HECTD4: variants seen among roughly 807,000 people sequenced by gnomAD.
HECTD4 encodes the protein HECT domain E3 ubiquitin protein ligase 4.
Under a neutral mutation model 471.5 loss-of-function variants are expected in HECTD4, and 114 were observed. That is an observed-to-expected ratio of 0.24 (90% CI 0.21 to 0.28). The LOEUF is 0.28. Ranked by LOEUF, HECTD4 falls within the 10% of genes least tolerant of loss-of-function variation. HECTD4 has a pLI of 1.00. For missense variants in HECTD4, 3,866 were observed against 5,651.5 expected (o/e 0.68, Z 10.13); for synonymous variants, 2,012 against 2,256.0 (o/e 0.89, Z 3.07).
At position 112,260,743 on chromosome 12, in the gene HECTD4, A is replaced by ATT. The variant is rs200690215; in HGVS notation, c.2873+560_2873+561dup. Reference sequence around the variant, plus strand: ...AGGTGCCTGCCACCATGCCTGGCTAATTTTTTTTTTTTTTTTTGTATTTTT... The same window carrying ATT: ...AGGTGCCTGCCACCATGCCTGGCTAATTTTTTTTTTTTTTTTTTTGTATTTTT... On this transcript the variant is annotated intron_variant, in intron 18 of 75. Transcript: ENST00000682272. Among the ~76,000 whole-genome samples, 400 of 138,720 alleles carry ATT rather than the reference A, an allele frequency of 2.9e-3. 3 individuals carry two copies. Among genetic ancestry groups the ATT allele is most frequent in the African/African-American group, 9.7e-3 (368 of 37,772 alleles). 91.0% of individuals were successfully genotyped at this position (138,720 alleles called of 152,430 possible).
intron 1 of HECTD4, among the ~76,000 whole-genome samples, chr12:112,328,803 C>T (rs555971120): frequency 4.6e-5 from 7 of 152,308 alleles, no homozygotes; most frequent in Non-Finnish European, 1.0e-4. Flanking sequence ...TAACTGAGAA[C>T]GAGGATATTA....
chr12:112,315,099 G>A (rs1345186271), intron 2 of HECTD4, among the ~76,000 whole-genome samples: 2 of 152,150 alleles, frequency 1.3e-5, no homozygotes, highest in Admixed American at 6.5e-5. Flanking sequence ...AGGGCTCACC[G>A]CTACCTGAAT....
intron 1 of HECTD4, among the ~76,000 whole-genome samples, chr12:112,330,176 C>T (rs2035821134): frequency 6.6e-6 from 1 of 151,658 alleles, no homozygotes; most frequent in Admixed American, 6.6e-5. Context: ...ACTTGGGACG[C>T]TGAGGCAGGA....
intron 2 of HECTD4, among the ~76,000 whole-genome samples, chr12:112,318,362 G>T (rs922274531): frequency 9.2e-5 from 14 of 151,956 alleles, no homozygotes; most frequent in Admixed American, 2.6e-4. Flanking sequence ...ACTTGCACAT[G>T]AAGAACAGCA....
intron 69 of HECTD4, 71 bp downstream of exon 69, chr12:112,170,262 T>C (rs987862884): frequency 6.4e-7 from 1 of 1,562,350 alleles, no homozygotes; most frequent in Non-Finnish European, 8.7e-7. Flanking sequence ...CCTTCTTTTA[T>C]GTTCCAGAAA....
At chr12:112,279,472 G>A (rs2034590020) in intron 8 of HECTD4, 86 bp from the exon 9 acceptor site, 7 of 1,159,204 alleles carry the variant, frequency 6.0e-6, no homozygotes, top group South Asian at 1.6e-5. Flanking sequence ...TATAATGAGG[G>A]AGACCCAAAC....
intron 8 of HECTD4, among the ~76,000 whole-genome samples, chr12:112,280,717 A>G (rs2034619818): frequency 6.6e-6 from 1 of 152,102 alleles, no homozygotes; most frequent in Admixed American, 6.6e-5. Context: ...CATTTTCACC[A>G]AGATGTTTTC....
In HECTD4 at chr12:112,208,650, C is replaced by G. The variant is rs1375669766; in HGVS notation, c.7868-20G>C. On this transcript the variant is annotated intron_variant, in intron 50 of 75. Coordinates refer to ENST00000682272, the MANE Select transcript of HECTD4 (RefSeq NM_001388303.1). ...CATATTCTGTAACAGAGCACAAGGA[C>G]AGCGAATTCTAAACAAGAGCAGGCT... The G allele has an allele frequency of 1.3e-6, 2 of 1,527,598 alleles. No homozygotes were observed. Among genetic ancestry groups the G allele is most frequent in the South Asian group, 2.7e-5 (2 of 75,158 alleles). The allele number at this position is 1,527,598 out of a possible 1,614,324, so 94.6% of individuals were successfully genotyped here.
At chr12:112,164,681 C>T (rs995753608) in intron 72 of HECTD4, among the ~76,000 whole-genome samples, 5 of 151,198 alleles carry the variant, frequency 3.3e-5, no homozygotes, top group South Asian at 2.1e-4. Flanking sequence ...AGTGCAATGG[C>T]GCAATCTTGG....
At chr12:112,379,051 A>C (rs541122982) in intron 1 of HECTD4, among the ~76,000 whole-genome samples, 4 of 152,210 alleles carry the variant, frequency 2.6e-5, no homozygotes, top group Admixed American at 6.5e-5. Flanking sequence ...CAAAAAAAAA[A>C]ACCAAAAATT....
intron 1 of HECTD4, among the ~76,000 whole-genome samples, chr12:112,332,306 G>A (rs2035858182): frequency 1.3e-5 from 2 of 152,088 alleles, no homozygotes; most frequent in South Asian, 2.1e-4. Flanking sequence ...GCTGAGGCAG[G>A]TGGATCACCT....
chr12:112,344,480 TAGCTTAAC>T (rs2036110239), intron 1 of HECTD4, among the ~76,000 whole-genome samples: 1 of 152,094 alleles, frequency 6.6e-6, no homozygotes, highest in Admixed American at 6.5e-5. Context: ...ACTCCAAAAC[TAGCTTAAC>T]TCAGAGCTCA....
Position 112,176,582 on chromosome 12 carries a change from G to T in HECTD4, c.11470+14C>A. 6.3e-7 allele frequency: 1 copy of T among 1,582,716 alleles called. No homozygotes were observed. Among genetic ancestry groups the T allele is most frequent in the South Asian group, 1.1e-5 (1 of 90,474 alleles). ...TAGGTCCCAGCCCACTCCAGGCCCC[G>T]TCTGCTCATTCACCTTCTTGTTTTT... is the stretch of plus-strand genomic sequence containing the variant. On this transcript the variant is annotated intron_variant, in intron 65 of 75. Coordinates refer to ENST00000682272, the MANE Select transcript of HECTD4 (RefSeq NM_001388303.1).
At chr12:112,314,638 G>T (rs1268078027) in intron 2 of HECTD4, 92 bp from the exon 3 acceptor site, 4 of 731,394 alleles carry the variant, frequency 5.5e-6, no homozygotes, top group Non-Finnish European at 9.4e-6. Context: ...ACATGGAAAA[G>T]TTCCAAAATG....
intron 60 of HECTD4, among the ~76,000 whole-genome samples, chr12:112,187,140 C>T (rs550000405): frequency 6.7e-4 from 102 of 152,138 alleles, no homozygotes; most frequent in African/African-American, 2.1e-3. Context: ...CCACCACACC[C>T]GGCTAATTTT....
chr12:112,307,347 T>C (rs760020110), intron 6 of HECTD4, among the ~76,000 whole-genome samples: 10 of 152,216 alleles, frequency 6.6e-5, no homozygotes, highest in Non-Finnish European at 1.5e-4. Context: ...AGCTACTAAT[T>C]GGCCTGTGCT....
Position 112,170,314 on chromosome 12 carries a change from T to C in HECTD4, c.12052+19A>G, listed in dbSNP as rs1273248424. ...GGCACTGCCATTTTGCATTTTTTGC[T>C]CTCCGCAGCCAACCCCACCTCCCAC... On this transcript the variant is annotated intron_variant, in intron 69 of 75. Coordinates refer to ENST00000682272, the MANE Select transcript of HECTD4 (RefSeq NM_001388303.1). 1 of 1,613,182 alleles carries C rather than the reference T, an allele frequency of 6.2e-7. No individual in the cohort carries two copies. Among genetic ancestry groups the C allele is most frequent in the South Asian group, 1.1e-5 (1 of 90,938 alleles).
At chr12:112,183,397 T>G (rs2031746106) in intron 61 of HECTD4, 131 bp from the exon 62 acceptor site, 1 of 721,736 alleles carries the variant, frequency 1.4e-6, no homozygotes, top group South Asian at 1.8e-5. Flanking sequence ...TGCCCTACTC[T>G]GGTGAGCTGG....
intron 55 of HECTD4, among the ~76,000 whole-genome samples, chr12:112,199,862 C>A (rs1448317629): frequency 1.3e-5 from 2 of 152,232 alleles, no homozygotes; most frequent in African/African-American, 4.8e-5. Context: ...TTTCTCCACG[C>A]TCTTCCAATC....
Sources: gnomAD v4.1 joint callset for allele counts (sites outside exome capture counted in the v4.1 genomes callset) on GRCh38, gnomAD v4.1.1 for gene constraint, MANE v1.5 for transcripts, NCBI Gene and HGNC (gene_info 2026-07-23, HGNC 2026-07-21) for gene names.